Variants in DCK observed in about 807,000 individuals in gnomAD.
DCK encodes deoxyadenosine kinase.
Under a neutral mutation model 38.3 loss-of-function variants are expected in DCK, and 23 were observed. The ratio of observed to expected loss-of-function variants is 0.60; its 90% CI spans 0.43 to 0.85. DCK has a LOEUF of 0.85. DCK is among the 40% of genes least tolerant of loss of function. DCK has a pLI of 0.00. For missense variants in DCK, 259 were observed against 304.4 expected, an observed-to-expected ratio of 0.85 and a Z score of 1.11; for synonymous variants, 108 against 100.6, an observed-to-expected ratio of 1.07 and a Z score of -0.44.
At chr4:71,000,530 T>G (rs186915908) in intron 2 of DCK, among the ~76,000 whole-genome samples, 49 of 152,338 alleles carry the variant, frequency 3.2e-4, no homozygotes. Flanking sequence ...ATATGAAATT[T>G]AAGGTAGTTT....
chr4:71,029,350 AGG>A lies in DCK; in HGVS notation c.757-1_757del. The stretch of plus-strand genomic sequence containing the variant: ...CTGATTTTTTTTTCTTCCTTTCCTC[AGG>A]TCAAAGAGTTTTTGAGTACTTTGTG... On this transcript the variant is annotated splice_acceptor_variant and coding_sequence_variant, in exon 7 of 7. Transcript: ENST00000286648. LOFTEE classifies it high-confidence loss of function. 1 of 1,590,724 alleles carries A rather than the reference AGG, an allele frequency of 6.3e-7. No homozygotes were observed. Among genetic ancestry groups the A allele is most frequent in the Non-Finnish European group, 8.6e-7 (1 of 1,168,194 alleles).
chr4:71,016,230 T>C (rs189474365), intron 2 of DCK, among the ~76,000 whole-genome samples: 3,634 of 152,208 alleles, frequency 0.024, 142 homozygotes, highest in African/African-American at 0.08. Context: ...TTACAAGGGA[T>C]GTGAAGGACC....
At chr4:70,997,870 A>G (rs1198722047) in intron 1 of DCK, among the ~76,000 whole-genome samples, 197 bp from the exon 2 acceptor site, 1 of 152,232 alleles carries the variant, frequency 6.6e-6, no homozygotes, top group Non-Finnish European at 1.5e-5. Flanking sequence ...GTAATAAAAA[A>G]CAAATGTGCT....
chr4:71,018,839 T>A (rs982378116), intron 2 of DCK, among the ~76,000 whole-genome samples: 1 of 151,888 alleles, frequency 6.6e-6, no homozygotes, highest in South Asian at 2.1e-4. Context: ...ACCTGGCTAA[T>A]TTTTGTATTT....
chr4:71,023,484 G>A, intron 3 of DCK, 75 bp from the exon 4 acceptor site: 4 of 975,004 alleles, frequency 4.1e-6, no homozygotes, highest in Non-Finnish European at 4.5e-6. Flanking sequence ...AATGTTTCAT[G>A]TTCCTGTTCT....
intron 1 of DCK, among the ~76,000 whole-genome samples, chr4:70,997,014 G>A (rs1739673501): frequency 6.6e-6 from 1 of 152,166 alleles, no homozygotes; most frequent in African/African-American, 2.4e-5. Context: ...AGATGTGTTA[G>A]TGTGATTGGG....
At position 71,029,346 on chromosome 4, in the gene DCK, C is replaced by A; in HGVS notation, c.757-6C>A. 1 of 1,585,972 alleles carries A rather than the reference C, an allele frequency of 6.3e-7. No homozygotes were observed. The highest frequency in any genetic ancestry group is 1.7e-4 in the Middle Eastern group (1 of 5,960). ...TATACTGATTTTTTTTTCTTCCTTT[C>A]CTCAGGTCAAAGAGTTTTTGAGTAC... On this transcript the variant is annotated splice_polypyrimidine_tract_variant and splice_region_variant and intron_variant, in intron 6 of 6. Transcript: ENST00000286648.
Position 71,029,394 on chromosome 4 carries a change from CAGGCA to C in DCK, c.*17_*21del, listed in dbSNP as rs1415202039. The stretch of plus-strand genomic sequence containing the variant: ...TACTTTGTGATCTTGCTGAAGACTA[CAGGCA>C]GCCAAATGGTTCCAGATACTTCAGC... On this transcript the variant is annotated 3_prime_UTR_variant, in exon 7 of 7. Transcript: ENST00000286648. 1 of 1,598,688 alleles carries C rather than the reference CAGGCA, an allele frequency of 6.3e-7. No homozygotes were observed. The highest frequency in any genetic ancestry group is 8.6e-7 in the Non-Finnish European group (1 of 1,166,720).
intron 2 of DCK, among the ~76,000 whole-genome samples, chr4:71,020,064 A>C (rs1245595059): frequency 6.6e-6 from 1 of 152,234 alleles, no homozygotes; most frequent in African/African-American, 2.4e-5. Flanking sequence ...TTGGGATTAC[A>C]GGCGTGAACC....
At chr4:71,016,949 C>G (rs528381185) in intron 2 of DCK, among the ~76,000 whole-genome samples, 14 of 152,094 alleles carry the variant, frequency 9.2e-5, no homozygotes, top group Non-Finnish European at 7.4e-5. Context: ...TAATTAAACT[C>G]AAGAGCTTCT....
At position 71,018,371 on chromosome 4, in the gene DCK, A is replaced by G. The variant is rs538171368; in HGVS notation, c.208-3996A>G. On this transcript the variant is annotated intron_variant, in intron 2 of 6. Coordinates refer to ENST00000286648, the MANE Select transcript of DCK (RefSeq NM_000788.3). The stretch of plus-strand genomic sequence containing the variant: ...TCTCGATCTCCTGACCTTGTGATCC[A>G]CCCGCCTTGGCCTCCCAAAGTGCTA... 2.0e-5 allele frequency among the ~76,000 whole-genome samples: 3 copies of G among 151,494 alleles called. No individual in the cohort carries two copies. In the East Asian group the frequency reaches 5.8e-4, roughly 29 times the overall value.
chr4:71,004,318 C>G (rs1739883860), intron 2 of DCK, among the ~76,000 whole-genome samples: 1 of 152,192 alleles, frequency 6.6e-6, no homozygotes, highest in South Asian at 2.1e-4. Context: ...GCTGCCTGCT[C>G]CTTCCTCAGG....
intron 2 of DCK, among the ~76,000 whole-genome samples, chr4:71,005,492 T>C (rs1189311713): frequency 1.3e-5 from 2 of 151,884 alleles, no homozygotes; most frequent in South Asian, 2.1e-4. Flanking sequence ...ATTAAATTCC[T>C]TCATTGTCTT....
intron 1 of DCK, among the ~76,000 whole-genome samples, chr4:70,997,499 TTC>T (rs1451128046): frequency 6.6e-6 from 1 of 152,238 alleles, no homozygotes; most frequent in African/African-American, 2.4e-5. Context: ...CTCCTGTTTT[TTC>T]TCTGTGTGTA....
chr4:71,017,028 T>C (rs1388076973), intron 2 of DCK, among the ~76,000 whole-genome samples: 1 of 152,164 alleles, frequency 6.6e-6, no homozygotes, highest in East Asian at 1.9e-4. Context: ...TTTTGCAATC[T>C]ACTCATCTGA....
intron 4 of DCK, among the ~76,000 whole-genome samples, chr4:71,024,976 T>C (rs1332630921): frequency 6.6e-6 from 1 of 152,098 alleles, no homozygotes; most frequent in Non-Finnish European, 1.5e-5. Context: ...CTGATATCTT[T>C]GGATGAAAGG....
intron 2 of DCK, among the ~76,000 whole-genome samples, chr4:71,004,484 G>A (rs538932437): frequency 9.8e-5 from 15 of 152,352 alleles, no homozygotes; most frequent in African/African-American, 2.6e-4. Context: ...GAGCTTGAGC[G>A]CTGCGCTGGG....
chr4:71,016,731 TG>T (rs1740274947), intron 2 of DCK, among the ~76,000 whole-genome samples: 1 of 152,240 alleles, frequency 6.6e-6, no homozygotes, highest in Admixed American at 6.5e-5. Flanking sequence ...GCTAGCCATA[TG>T]TAGAAAGCTG....
At chr4:71,013,088 T>A (rs971501877) in intron 2 of DCK, among the ~76,000 whole-genome samples, 1 of 152,116 alleles carries the variant, frequency 6.6e-6, no homozygotes, top group African/African-American at 2.4e-5. Flanking sequence ...CTGAAAACCA[T>A]GGCACGAGAA....
Sources: allele counts gnomAD v4.1 joint callset (sites outside exome capture counted in the v4.1 genomes callset), GRCh38; gene constraint gnomAD v4.1.1; transcripts MANE v1.5; gene names NCBI Gene and HGNC (gene_info 2026-07-23, HGNC 2026-07-21).